LRRC1: variants seen among roughly 807,000 people sequenced by gnomAD.
The protein encoded by LRRC1 is leucine rich repeat containing 1, also known as leucine-rich repeat-containing protein 1.
In LRRC1, 28 loss-of-function variants were observed where a neutral mutation model predicts 69.9. The observed-to-expected ratio is 0.40, with a 90% CI of 0.30 to 0.55. LRRC1 has a LOEUF of 0.55. LRRC1 is among the 20% of genes least tolerant of loss of function. The pLI, the probability that LRRC1 is intolerant of heterozygous loss-of-function variation, is 0.47. For synonymous variants in LRRC1, 236 were observed against 240.2 expected (o/e 0.98, Z 0.16); for missense variants, 498 against 609.0 (o/e 0.82, Z 1.92).
intron 2 of LRRC1, among the ~76,000 whole-genome samples, chr6:53,878,063 T>C (rs1489910864): frequency 6.6e-6 from 1 of 152,152 alleles, no homozygotes; most frequent in African/African-American, 2.4e-5. Flanking sequence ...TCACATCTTA[T>C]GTGGATGACG....
intron 4 of LRRC1, among the ~76,000 whole-genome samples, chr6:53,895,726 A>C (rs983307561): frequency 5.3e-5 from 8 of 152,200 alleles, no homozygotes; most frequent in African/African-American, 1.9e-4. Flanking sequence ...CTGCCTGTCA[A>C]GATTTGCCCC....
At chr6:53,896,642 A>G in intron 5 of LRRC1, 88 bp downstream of exon 5, 2 of 1,319,776 alleles carry the variant, frequency 1.5e-6, no homozygotes, top group Non-Finnish European at 2.2e-6. Context: ...ACGTGAAAAC[A>G]TTTGTGTGTT....
intron 2 of LRRC1, among the ~76,000 whole-genome samples, chr6:53,852,029 T>G (rs1283636662): frequency 6.6e-6 from 1 of 152,230 alleles, no homozygotes; most frequent in Non-Finnish European, 1.5e-5. Context: ...TACTTCACTT[T>G]AGGCAATATG....
At chr6:53,903,704 T>G (rs1220728388) in intron 9 of LRRC1, among the ~76,000 whole-genome samples, 1 of 152,158 alleles carries the variant, frequency 6.6e-6, no homozygotes, top group African/African-American at 2.4e-5. Context: ...CAGCAGCCCC[T>G]CTCCTCAGAC....
chr6:53,921,501 A>G (rs775544344), intron 13 of LRRC1, among the ~76,000 whole-genome samples: 2 of 152,162 alleles, frequency 1.3e-5, no homozygotes, highest in Non-Finnish European at 2.9e-5. Flanking sequence ...TAGAGGGCTT[A>G]TGATCTTAGT....
intron 1 of LRRC1, among the ~76,000 whole-genome samples, chr6:53,803,620 TG>T (rs1198948425): frequency 6.6e-6 from 1 of 152,038 alleles, no homozygotes; most frequent in Non-Finnish European, 1.5e-5. Flanking sequence ...TAAAATACGT[TG>T]GACTCCTAAA....
intron 1 of LRRC1, among the ~76,000 whole-genome samples, chr6:53,800,864 T>A (rs577750386): frequency 6.6e-6 from 1 of 152,302 alleles, no homozygotes; most frequent in African/African-American, 2.4e-5. Flanking sequence ...GGTCTCAAAT[T>A]CGTGACCTCA....
At chr6:53,849,207 T>A (rs2127418698) in intron 2 of LRRC1, among the ~76,000 whole-genome samples, 1 of 152,316 alleles carries the variant, frequency 6.6e-6, no homozygotes. Flanking sequence ...AATAGCTCCT[T>A]ATCTTCGTAC....
chr6:53,848,494 CAT>C (rs1336479826), intron 2 of LRRC1, among the ~76,000 whole-genome samples: 4 of 152,180 alleles, frequency 2.6e-5, no homozygotes, highest in Non-Finnish European at 4.4e-5. Context: ...AAACTTTACA[CAT>C]ATGTCTCTTT....
At chr6:53,884,451 G>A (rs1387219480) in intron 4 of LRRC1, among the ~76,000 whole-genome samples, 1 of 152,200 alleles carries the variant, frequency 6.6e-6, no homozygotes, top group Non-Finnish European at 1.5e-5. Flanking sequence ...AGGCTGCAGT[G>A]AGCCATGATT....
chr6:53,883,037 T>G, intron 4 of LRRC1, 61 bp downstream of exon 4: 2 of 988,880 alleles, frequency 2.0e-6, no homozygotes, highest in Non-Finnish European at 1.6e-6. Context: ...TCATCAGCTC[T>G]AGCCTCCTTC....
At chr6:53,873,210 T>C (rs1184132603) in intron 2 of LRRC1, among the ~76,000 whole-genome samples, 2 of 152,150 alleles carry the variant, frequency 1.3e-5, no homozygotes, top group African/African-American at 4.8e-5. Context: ...TTTTTGTAGC[T>C]ATTATAAATG....
At chr6:53,834,216 C>T (rs1765543673) in intron 1 of LRRC1, among the ~76,000 whole-genome samples, 1 of 152,116 alleles carries the variant, frequency 6.6e-6, no homozygotes, top group African/African-American at 2.4e-5. Context: ...ATCTCTGTGC[C>T]CCTGATCCTC....
At chr6:53,827,594 C>A (rs1765310108) in intron 1 of LRRC1, among the ~76,000 whole-genome samples, 1 of 152,020 alleles carries the variant, frequency 6.6e-6, no homozygotes, top group Non-Finnish European at 1.5e-5. Context: ...TTGTTAGGAA[C>A]AGGAAAGGCA....
intron 2 of LRRC1, among the ~76,000 whole-genome samples, chr6:53,870,308 C>T (rs1249355014): frequency 1.3e-5 from 2 of 152,168 alleles, no homozygotes; most frequent in Non-Finnish European, 2.9e-5. Flanking sequence ...ATATTAAAGC[C>T]TTCTACCTAA....
intron 1 of LRRC1, among the ~76,000 whole-genome samples, chr6:53,840,066 ATTTCCTTTGCC>A (rs1242381971): frequency 6.6e-6 from 1 of 152,100 alleles, no homozygotes; most frequent in Non-Finnish European, 1.5e-5. Flanking sequence ...TATTCTGGGA[ATTTCCTTTGCC>A]TTTCTCTGTT....
intron 7 of LRRC1, among the ~76,000 whole-genome samples, chr6:53,897,954 T>G (rs1179475504): frequency 6.6e-6 from 1 of 152,162 alleles, no homozygotes; most frequent in Non-Finnish European, 1.5e-5. Flanking sequence ...AGGCCTACAT[T>G]CTAAGACAGA....
chr6:53,829,930 C>A (rs1765380547), intron 1 of LRRC1, among the ~76,000 whole-genome samples: 1 of 152,160 alleles, frequency 6.6e-6, no homozygotes, highest in East Asian at 1.9e-4. Context: ...TTTTTGATTG[C>A]ATGTCACAAA....
chr6:53,884,071 CAGG>C (rs1767389053), intron 4 of LRRC1: 3 of 710,462 alleles, frequency 4.2e-6, no homozygotes, highest in East Asian at 2.7e-5. Flanking sequence ...CTTAAACTCT[CAGG>C]AGGAGAAGAA....
Sources: allele counts gnomAD v4.1 joint callset (sites outside exome capture counted in the v4.1 genomes callset), GRCh38; gene constraint gnomAD v4.1.1; transcripts MANE v1.5; gene names NCBI Gene and HGNC (gene_info 2026-07-23, HGNC 2026-07-21).